SALL1: variants seen among roughly 807,000 people sequenced by gnomAD.
The protein encoded by SALL1 is sal-like protein 1.
In SALL1, 10 loss-of-function variants were observed where a neutral mutation model predicts 73.1. The observed-to-expected ratio is 0.14, with a 90% CI of 0.08 to 0.23. SALL1 has a LOEUF of 0.23. SALL1 is among the 10% of genes least tolerant of loss of function. The probability of loss-of-function intolerance (pLI) is 1.00; values close to 1 mark genes in which losing one functional copy is unlikely to be tolerated. For missense variants in SALL1, 1,520 were observed against 1,697.3 expected (o/e 0.90, Z 1.84); for synonymous variants, 688 against 689.8 (o/e 1.00, Z 0.04).
intron 1 of SALL1, chr16:51,150,423 G>A (rs1202600591): frequency 3.0e-6 from 3 of 985,480 alleles, no homozygotes; most frequent in African/African-American, 1.7e-5. Context: ...GTTGTGGGAA[G>A]AGATGCGGAG....
At chr16:51,138,400 A>C (rs971661006) in intron 2 of SALL1, among the ~76,000 whole-genome samples, 1 of 152,210 alleles carries the variant, frequency 6.6e-6, no homozygotes, top group East Asian at 1.9e-4. Context: ...CATTTGGTGC[A>C]CTTAGCGAGA....
At position 51,141,835 on chromosome 16, in the gene SALL1, G is replaced by A. The variant is rs147647889; in HGVS notation, c.387C>T (p.Ala129=). 2.9e-4 allele frequency: 463 copies of A among 1,613,724 alleles called. 1 individual carries two copies. The highest frequency in any genetic ancestry group is 3.7e-4 in the Non-Finnish European group (433 of 1,180,018). ...LDREESMEVE[A]PVANKSGSGT... ...CGCTGCCGCTTTTGTTAGCAACCGG[G>A]GCCTCCACCTCCATGGACTCTTCCC... The change falls in exon 2 of 3, where the codon GCC becomes GCT. Residue 129 remains alanine, a synonymous_variant. Coordinates refer to ENST00000251020, the MANE Select transcript of SALL1 (RefSeq NM_002968.3). The surrounding 1 kb of genome is among the most constrained non-coding windows in gnomAD (Gnocchi z 5.4).
chr16:51,147,087 A>G (rs939649557), intron 1 of SALL1, among the ~76,000 whole-genome samples: 4 of 152,226 alleles, frequency 2.6e-5, no homozygotes, highest in African/African-American at 7.2e-5. Context: ...ACCTTCTAAA[A>G]GGTTCTGTTG....
At chr16:51,143,859 C>A (rs1047266478) in intron 1 of SALL1, among the ~76,000 whole-genome samples, 1 of 152,168 alleles carries the variant, frequency 6.6e-6, no homozygotes, top group Non-Finnish European at 1.5e-5. Flanking sequence ...TAATACCCAT[C>A]TTTTAATCTC....
rs1962439911 is a variant in SALL1 at position 51,141,744 on chromosome 16, C to CGCTGCTGCCGCTGCT, written c.477_478insAGCAGCGGCAGCAGC (p.Ser159_Gly160insSerSerGlySerSer). 1.3e-6 allele frequency: 2 copies of CGCTGCTGCCGCTGCT among 1,579,926 alleles called. No homozygotes were observed. The highest frequency in any genetic ancestry group is 2.7e-5 in the African/African-American group (2 of 73,742). On this transcript the variant is annotated inframe_insertion, in exon 2 of 3. Coordinates refer to ENST00000251020, the MANE Select transcript of SALL1 (RefSeq NM_002968.3). This position sits in a 1 kb window ranked among gnomAD's most constrained non-coding sequence, Gnocchi z 5.4. ...CCTGTGGAGGAGCTGCCGCCGCCGC[C>CGCTGCTGCCGCTGCT]GCTGCTGCTGCTGCTGCTGCTGCTG...
In SALL1 at chr16:51,141,976, G is replaced by T. The variant is rs765733999; in HGVS notation, c.246C>A (p.Pro82=). The T allele has an allele frequency of 6.2e-7, 1 of 1,613,972 alleles. No individual in the cohort carries two copies. The highest frequency in any genetic ancestry group is 8.5e-7 in the Non-Finnish European group (1 of 1,180,002). The part of the protein sequence containing the change: ...LIVNENPASP[P]ETFSPSPPPD... ...GAGGGGGGCTGGGGGAGAAGGTTTC[G>T]GGTGGGGAGGCTGGATTTTCATTTA... The change falls in exon 2 of 3, where the codon CCC becomes CCA. Residue 82 remains proline (P), a synonymous_variant. Coordinates refer to ENST00000251020, the MANE Select transcript of SALL1 (RefSeq NM_002968.3). The surrounding 1 kb of genome is among the most constrained non-coding windows in gnomAD (Gnocchi z 5.4).
In SALL1 at chr16:51,141,740, C is replaced by G; in HGVS notation, c.482G>C (p.Gly161Ala). The G allele has an allele frequency of 6.2e-7, 1 of 1,612,946 alleles. No homozygotes were observed. Among genetic ancestry groups the G allele is most frequent in the Non-Finnish European group, 8.5e-7 (1 of 1,179,826 alleles). Residue 161 changes from glycine (G) to alanine (A), a missense_variant, in exon 2 of 3, where the codon GGC (glycine) becomes GCC (alanine). Gly to Ala is a moderately conservative substitution (Grantham distance 60, BLOSUM62 0). This residue lies in a region of SALL1 where 540 missense variants were observed against 567.5 expected (regional missense o/e 0.95). Transcript: ENST00000251020. The surrounding 1 kb of genome is among the most constrained non-coding windows in gnomAD (Gnocchi z 5.4). ...SSSSSSSSSG[G>A]GGSSSTGTSA... is the part of the protein sequence containing the mutation. ...GGTACCTGTGGAGGAGCTGCCGCCG[C>G]CGCCGCTGCTGCTGCTGCTGCTGCT... is the stretch of plus-strand genomic sequence containing the variant.
intron 1 of SALL1, among the ~76,000 whole-genome samples, chr16:51,142,346 CAG>C (rs1336704659): frequency 1.3e-4 from 20 of 152,148 alleles, no homozygotes; most frequent in South Asian, 2.1e-4. Flanking sequence ...TCCGGTATTT[CAG>C]AGAGTCATGG....
At chr16:51,145,032 G>C (rs1016567867) in intron 1 of SALL1, among the ~76,000 whole-genome samples, 1 of 151,242 alleles carries the variant, frequency 6.6e-6, no homozygotes, top group Admixed American at 6.6e-5. Context: ...TCGCTACACT[G>C]CAATAATTCT....
chr16:51,150,642 G>T, intron 1 of SALL1: 1 of 898,310 alleles, frequency 1.1e-6, no homozygotes, highest in Non-Finnish European at 1.3e-6. Context: ...GTGCGTGGGG[G>T]CAGGGGGGCG....
chr16:51,150,179 C>G (rs1962575865), intron 1 of SALL1, among the ~76,000 whole-genome samples: 1 of 152,224 alleles, frequency 6.6e-6, no homozygotes, highest in Non-Finnish European at 1.5e-5. Flanking sequence ...CCATAGCCCC[C>G]ACACACAAAC....
chr16:51,150,381 C>A, intron 1 of SALL1: 1 of 985,286 alleles, frequency 1.0e-6, no homozygotes, highest in Non-Finnish European at 1.2e-6. Context: ...GCATACCGAC[C>A]AGAAAGATTT....
At chr16:51,150,651 C>A (rs1962584439) in intron 1 of SALL1, 3 of 829,202 alleles carry the variant, frequency 3.6e-6, no homozygotes, top group Non-Finnish European at 4.4e-6. Context: ...GGCAGGGGGG[C>A]GCAGCGAACT....
chr16:51,151,243 C>T lies in SALL1; in HGVS notation c.-2G>A, dbSNP rs777680377. ...CTTCGCTTGCTTCCTCCGCGACATGCTGGCTCAAACATCAGCTGGGGCAGA... is the reference window on the plus strand; with the variant it reads ...CTTCGCTTGCTTCCTCCGCGACATGTTGGCTCAAACATCAGCTGGGGCAGA... On this transcript the variant is annotated 5_prime_UTR_variant, in exon 1 of 3. Transcript: ENST00000251020. The T allele has an allele frequency of 6.3e-7, 1 of 1,595,366 alleles. No individual in the cohort carries two copies. Among genetic ancestry groups the T allele is most frequent in the South Asian group, 1.1e-5 (1 of 87,584 alleles).
chr16:51,152,030 G>T (rs1167062100), upstream of SALL1: 1 of 132,770 alleles, frequency 7.5e-6, no homozygotes, highest in Non-Finnish European at 1.6e-5. Context: ...AAAAATAAGC[G>T]AGTGGGGAAG....
rs1017089107 is a variant in SALL1, at chr16:51,137,259, A to T, written c.3828T>A (p.Ser1276Arg). 3 of 1,613,894 alleles carry T rather than the reference A, an allele frequency of 1.9e-6. No individual in the cohort carries two copies. Among genetic ancestry groups the T allele is most frequent in the Non-Finnish European group, 2.5e-6 (3 of 1,180,014 alleles). Residue 1276 changes from serine (S) to arginine (R), a missense_variant, in exon 3 of 3, where the codon AGT becomes AGA. By Grantham distance (110) the Ser-to-Arg change is moderately radical (BLOSUM62 -1). This residue lies in a region of SALL1 where 318 missense variants were observed against 357.1 expected (regional missense o/e 0.89). Transcript: ENST00000251020. ...GCCTCTCCAGGTTTCCCGTCAGCCC[A>T]CTAACAGGTGAGCTGTTCCCACTGC... ...SLGSGNSSPV[S>R]GLTGNLERLQ... is the part of the protein sequence containing the mutation.
Position 51,139,264 on chromosome 16 carries a change from C to A in SALL1, c.2958G>T (p.Leu986Phe). Reference sequence around the variant, plus strand: ...GGTCTCTAAAAGGGAAGAGGATCCCCAAAGAATCTTCTTTGATGATTTTCT... The same window carrying A: ...GGTCTCTAAAAGGGAAGAGGATCCCAAAAGAATCTTCTTTGATGATTTTCT... ...HAEKIIKEDS[L>F]GILFPFRDRG... The change falls in exon 2 of 3, where the codon TTG becomes TTT. Residue 986 changes from leucine to phenylalanine, a missense_variant. By Grantham distance (22) the Leu-to-Phe change is conservative. Coordinates refer to ENST00000251020, the MANE Select transcript of SALL1 (RefSeq NM_002968.3). The A allele has an allele frequency of 6.2e-7, 1 of 1,614,146 alleles. No homozygotes were observed. Among genetic ancestry groups the A allele is most frequent in the Non-Finnish European group, 8.5e-7 (1 of 1,180,030 alleles).
intron 1 of SALL1, among the ~76,000 whole-genome samples, chr16:51,146,862 T>C (rs1962525499): frequency 1.3e-5 from 2 of 152,316 alleles, no homozygotes; most frequent in South Asian, 4.1e-4. Context: ...TCCACCTCTT[T>C]TGCCAAACTA....
In SALL1 at chr16:51,141,852, A is replaced by G. The variant is rs762134851; in HGVS notation, c.370T>C (p.Ser124Pro). The change falls in exon 2 of 3, where the codon TCC becomes CCC. Residue 124 changes from serine to proline, a missense_variant. Physicochemically the swap from Ser to Pro is moderately conservative, Grantham distance 74. Transcript: ENST00000251020. The surrounding 1 kb of genome is among the most constrained non-coding windows in gnomAD (Gnocchi z 5.4). ...SEHNGLDREE[S>P]MEVEAPVANK... ...GCAACCGGGGCCTCCACCTCCATGG[A>G]CTCTTCCCTGTCAAGTCCGTTGTGT... is the stretch of plus-strand genomic sequence containing the variant. The G allele has an allele frequency of 6.2e-7, 1 of 1,610,134 alleles. No individual in the cohort carries two copies. The highest frequency in any genetic ancestry group is 2.2e-5 in the East Asian group (1 of 44,752).
Sources: gnomAD v4.1 joint callset for allele counts (sites outside exome capture counted in the v4.1 genomes callset) on GRCh38, gnomAD v4.1.1 for gene constraint, gnomAD v4.1.1 regional missense constraint, Gnocchi (gnomAD v3.1) non-coding constraint, MANE v1.5 for transcripts, NCBI Gene and HGNC (gene_info 2026-07-23, HGNC 2026-07-21) for gene names.